Variants in RABGAP1L observed in about 807,000 individuals in gnomAD.
RABGAP1L encodes the protein RAB GTPase activating protein 1 like.
Under a neutral mutation model 137.7 loss-of-function variants are expected in RABGAP1L, and 63 were observed. The observed-to-expected ratio is 0.46, with a 90% CI of 0.37 to 0.56. The LOEUF (loss-of-function observed/expected upper bound fraction) is 0.56. Ranked by LOEUF, RABGAP1L falls within the 20% of genes least tolerant of loss-of-function variation. RABGAP1L has a pLI of 0.00. For missense variants in RABGAP1L, 1,095 were observed against 1,244.0 expected (o/e 0.88, Z 1.80); for synonymous variants, 431 against 433.7 (o/e 0.99, Z 0.08).
At chr1:174,687,559 A>G (rs1678573411) in intron 15 of RABGAP1L, among the ~76,000 whole-genome samples, 1 of 152,202 alleles carries the variant, frequency 6.6e-6, no homozygotes, top group African/African-American at 2.4e-5. Context: ...AGTTAACTGT[A>G]ATTTATTTTT....
At chr1:174,533,417 C>T (rs1294198963) in intron 13 of RABGAP1L, among the ~76,000 whole-genome samples, 1 of 152,144 alleles carries the variant, frequency 6.6e-6, no homozygotes, top group African/African-American at 2.4e-5. Flanking sequence ...TGCAGGTCTG[C>T]TTACATGCAG....
intron 17 of RABGAP1L, among the ~76,000 whole-genome samples, chr1:174,751,546 CATTTCTG>C (rs1201911859): frequency 6.6e-6 from 1 of 152,160 alleles, no homozygotes; most frequent in Non-Finnish European, 1.5e-5. Context: ...TTGTAGCAAA[CATTTCTG>C]ATTGTTACCT....
intron 13 of RABGAP1L, among the ~76,000 whole-genome samples, chr1:174,531,741 C>A (rs557322029): frequency 9.4e-6 from 1 of 106,134 alleles, no homozygotes; most frequent in Non-Finnish European, 2.0e-5. Context: ...GAGATACTGT[C>A]TCGGGGGTGG....
chr1:174,800,231 G>A (rs961609022), intron 18 of RABGAP1L: 26 of 1,428,344 alleles, frequency 1.8e-5, no homozygotes, highest in African/African-American at 2.9e-5. Context: ...TGGCTTGTAC[G>A]TCCTCCCAGG....
At chr1:174,204,069 A>G (rs1270892572) in intron 1 of RABGAP1L, among the ~76,000 whole-genome samples, 4 of 150,846 alleles carry the variant, frequency 2.7e-5, no homozygotes, top group Non-Finnish European at 4.4e-5. Context: ...TTGTGTGTCA[A>G]CCTCCTGAAT....
At chr1:174,482,980 A>AT in intron 13 of RABGAP1L, among the ~76,000 whole-genome samples, 1 of 152,198 alleles carries the variant, frequency 6.6e-6, no homozygotes, top group South Asian at 2.1e-4. Context: ...ACCCTTTAGC[A>AT]TTTTTTTAAT....
intron 6 of RABGAP1L, among the ~76,000 whole-genome samples, 167 bp downstream of exon 6, chr1:174,250,799 C>CTT (rs948095535): frequency 6.7e-6 from 1 of 149,104 alleles, no homozygotes. Flanking sequence ...TATTTCTTTC[C>CTT]TTTTTTTTTT....
At chr1:174,507,315 G>A (rs1156376549) in intron 13 of RABGAP1L, among the ~76,000 whole-genome samples, 1 of 152,138 alleles carries the variant, frequency 6.6e-6, no homozygotes, top group Non-Finnish European at 1.5e-5. Flanking sequence ...AAAGGTAGCT[G>A]TTAGAATTAG....
intron 1 of RABGAP1L, among the ~76,000 whole-genome samples, chr1:174,208,212 A>G (rs1309303304): frequency 6.6e-6 from 1 of 151,738 alleles, no homozygotes; most frequent in Non-Finnish European, 1.5e-5. Context: ...TGACTTTTGT[A>G]TATTGACCTT....
chr1:174,551,352 G>GAA (rs1666534971), intron 13 of RABGAP1L, among the ~76,000 whole-genome samples: 2 of 152,048 alleles, frequency 1.3e-5, no homozygotes, highest in African/African-American at 4.8e-5. Context: ...AGAGTATGTT[G>GAA]TCTGACCACA....
intron 7 of RABGAP1L, among the ~76,000 whole-genome samples, chr1:174,263,581 C>CT (rs1328352979): frequency 6.6e-6 from 1 of 151,984 alleles, no homozygotes; most frequent in African/African-American, 2.4e-5. Flanking sequence ...TTTAGATAAT[C>CT]TTTTTACTGT....
chr1:174,666,816 A>T (rs1026428129), intron 14 of RABGAP1L, among the ~76,000 whole-genome samples: 1 of 152,170 alleles, frequency 6.6e-6, no homozygotes, highest in Non-Finnish European at 1.5e-5. Context: ...AATTGTAAAT[A>T]AATGGGTATA....
intron 13 of RABGAP1L, among the ~76,000 whole-genome samples, chr1:174,515,393 A>G (rs1662731987): frequency 6.6e-6 from 1 of 152,224 alleles, no homozygotes. Flanking sequence ...GTGCATGCAC[A>G]CACACTGAAG....
At chr1:174,260,162 G>C (rs1319084497) in intron 7 of RABGAP1L, among the ~76,000 whole-genome samples, 1 of 152,120 alleles carries the variant, frequency 6.6e-6, no homozygotes, top group Non-Finnish European at 1.5e-5. Context: ...TGATGAAACA[G>C]AGGTTTAATC....
At chr1:174,471,133 A>G (rs1456266722) in intron 13 of RABGAP1L, among the ~76,000 whole-genome samples, 1 of 152,094 alleles carries the variant, frequency 6.6e-6, no homozygotes, top group Non-Finnish European at 1.5e-5. Flanking sequence ...AGGATTTACT[A>G]TGATTTCTAT....
At chr1:174,347,363 A>G (rs911879937) in intron 11 of RABGAP1L, among the ~76,000 whole-genome samples, 7 of 151,926 alleles carry the variant, frequency 4.6e-5, no homozygotes, top group African/African-American at 1.7e-4. Context: ...TTTAGTTCTA[A>G]TATTTGGTTT....
chr1:174,314,285 A>G (rs183849847), intron 11 of RABGAP1L, among the ~76,000 whole-genome samples: 178 of 152,224 alleles, frequency 1.2e-3, no homozygotes, highest in Middle Eastern at 3.4e-3. Context: ...AGATTTTCCA[A>G]TTCATTGGCA....
At chr1:174,430,297 C>T (rs1045844581) in intron 13 of RABGAP1L, among the ~76,000 whole-genome samples, 4 of 150,938 alleles carry the variant, frequency 2.7e-5, no homozygotes, top group African/African-American at 7.3e-5. Flanking sequence ...TGCTTGAGCC[C>T]GGAGGAGGCA....
intron 18 of RABGAP1L, among the ~76,000 whole-genome samples, chr1:174,804,711 C>T (rs927163081): frequency 2.0e-5 from 3 of 152,166 alleles, no homozygotes; most frequent in Non-Finnish European, 4.4e-5. Flanking sequence ...TACAGCTACT[C>T]ATTTTCCACA....
Sources: gnomAD v4.1 joint callset for allele counts (sites outside exome capture counted in the v4.1 genomes callset) on GRCh38, gnomAD v4.1.1 for gene constraint, MANE v1.5 for transcripts, NCBI Gene and HGNC (gene_info 2026-07-23, HGNC 2026-07-21) for gene names.